SOS1: variants seen among roughly 807,000 people sequenced by gnomAD.
SOS1 encodes the protein SOS Ras/Rac guanine nucleotide exchange factor 1, also known as son of sevenless homolog 1.
A neutral mutation model predicts 157.6 loss-of-function variants in SOS1; 25 were observed. The observed-to-expected ratio is 0.16, with a 90% confidence interval of 0.12 to 0.22. The LOEUF is 0.22. Among genes scored for constraint, SOS1 ranks in the 10% least tolerant of loss-of-function variants. SOS1 has a pLI of 1.00. For synonymous variants in SOS1, 528 were observed against 534.0 expected (o/e 0.99, Z 0.16); for missense variants, 1,237 against 1,599.1 (o/e 0.77, Z 3.86).
At chr2:38,986,407 A>G in intron 22 of SOS1, 92 bp from the exon 23 acceptor site, 1 of 1,168,152 alleles carries the variant, frequency 8.6e-7, no homozygotes, top group Non-Finnish European at 1.2e-6. Flanking sequence ...CAAACATGCT[A>G]TTGGCAGGAT....
At chr2:39,031,006 G>A (rs1048328557) in intron 8 of SOS1, among the ~76,000 whole-genome samples, 1 of 152,054 alleles carries the variant, frequency 6.6e-6, no homozygotes, top group African/African-American at 2.4e-5. Context: ...CCAGAAGCTA[G>A]GCAGAGGCAG....
At chr2:38,989,125 A>G in intron 21 of SOS1, 145 bp downstream of exon 21, 1 of 635,038 alleles carries the variant, frequency 1.6e-6, no homozygotes, top group Non-Finnish European at 2.9e-6. Flanking sequence ...TAAAGATAGC[A>G]CAAGTGAAGG....
intron 4 of SOS1, among the ~76,000 whole-genome samples, chr2:39,055,761 A>C (rs1398251245): frequency 6.6e-6 from 1 of 152,248 alleles, no homozygotes; most frequent in African/African-American, 2.4e-5. Context: ...GTTTTCATAA[A>C]GTGAACATCC....
At chr2:38,999,808 T>A (rs1184954712) in intron 17 of SOS1, among the ~76,000 whole-genome samples, 3 of 152,212 alleles carry the variant, frequency 2.0e-5, no homozygotes, top group African/African-American at 4.8e-5. Context: ...TATTAGCACT[T>A]GGACTGGGTC....
Position 39,023,218 on chromosome 2 carries a change from C to G in SOS1, c.1210G>C (p.Ala404Pro). 6.2e-7 allele frequency: 1 copy of G among 1,611,638 alleles called. No individual in the cohort carries two copies. Among genetic ancestry groups the G allele is most frequent in the Non-Finnish European group, 8.5e-7 (1 of 1,178,262 alleles). ...ATTTGCTGACTATAAAACCGACATG[C>G]AGATTCACTGGAATAAAGAAAAAGA... The part of the protein sequence containing the change: ...SLAKRRLSES[A>P]CRFYSQQMKG... Residue 404 changes from alanine to proline, a missense_variant, in exon 10 of 23, where the codon GCA becomes CCA. By Grantham distance (27) the Ala-to-Pro change is conservative. Around this residue, in one of 15 missense-constraint regions of SOS1, gnomAD observed 101 missense variants for 171.5 expected, o/e 0.59. Coordinates refer to ENST00000402219, the MANE Select transcript of SOS1 (RefSeq NM_005633.4).
chr2:39,009,903 A>G (rs531770703), intron 15 of SOS1, among the ~76,000 whole-genome samples: 2 of 152,358 alleles, frequency 1.3e-5, no homozygotes, highest in South Asian at 4.1e-4. Context: ...TAATGAAAAA[A>G]ATTAATGCTA....
At position 39,023,012 on chromosome 2, in the gene SOS1, T is replaced by C; in HGVS notation, c.1416A>G (p.Lys472=). ...FLFDGLMICC[K]SNHGQPRLPG... Reference sequence around the variant, plus strand: ...GAAGTCTTGGCTGCCCATGATTTGATTTACAGCAAATCATTAAGCCATCAA... The same window carrying C: ...GAAGTCTTGGCTGCCCATGATTTGACTTACAGCAAATCATTAAGCCATCAA... The change falls in exon 10 of 23, where the codon AAA becomes AAG. Residue 472 remains lysine (K), a synonymous_variant. Coordinates refer to ENST00000402219, the MANE Select transcript of SOS1 (RefSeq NM_005633.4). 2 of 1,613,838 alleles carry C rather than the reference T, an allele frequency of 1.2e-6. No individual in the cohort carries two copies. The highest frequency in any genetic ancestry group is 8.5e-7 in the Non-Finnish European group (1 of 1,179,828).
At chr2:39,041,546 TCTA>T (rs780157709) in intron 6 of SOS1, among the ~76,000 whole-genome samples, 50 of 152,352 alleles carry the variant, frequency 3.3e-4, no homozygotes, top group Middle Eastern at 6.8e-3. Context: ...GTCCAAATTA[TCTA>T]CTTTTTCTTT....
intron 20 of SOS1, 149 bp from the exon 21 acceptor site, chr2:38,989,463 T>A: frequency 3.4e-6 from 2 of 593,242 alleles, no homozygotes; most frequent in South Asian, 4.5e-5. Flanking sequence ...CATTACTACT[T>A]ACTTTTGAGA....
intron 6 of SOS1, among the ~76,000 whole-genome samples, chr2:39,045,031 C>T (rs535833340): frequency 2.9e-4 from 44 of 152,130 alleles, no homozygotes; most frequent in African/African-American, 9.9e-4. Flanking sequence ...ATATAATGTA[C>T]GTTATGTAAA....
In SOS1 at chr2:38,987,560, G is replaced by C. The variant is rs763815489; in HGVS notation, c.3423C>G (p.Thr1141=). The C allele has an allele frequency of 6.3e-6, 10 of 1,593,278 alleles. No individual in the cohort carries two copies. In the East Asian group the frequency reaches 2.2e-4, roughly 36 times the overall value. ...GGACAGGCACTTCATCAGTGCCTTT[G>C]GTTAAACTTATAGATGATACAGAAG... ...RSASVSSISL[T]KGTDEVPVPP... is the part of the protein sequence containing the mutation. The change falls in exon 22 of 23, where the codon ACC becomes ACG. Residue 1141 remains threonine, a synonymous_variant. Coordinates refer to ENST00000402219, the MANE Select transcript of SOS1 (RefSeq NM_005633.4).
At chr2:39,073,847 A>C (rs1671869789) in intron 1 of SOS1, among the ~76,000 whole-genome samples, 2 of 152,230 alleles carry the variant, frequency 1.3e-5, no homozygotes, top group African/African-American at 4.8e-5. Context: ...AAAAGCTTCT[A>C]AATTATGCTC....
intron 17 of SOS1, among the ~76,000 whole-genome samples, chr2:39,004,944 C>T (rs1256453592): frequency 1.3e-5 from 2 of 151,934 alleles, no homozygotes; most frequent in African/African-American, 4.8e-5. Context: ...AATTGTCATA[C>T]ACTTCTCATG....
At chr2:39,033,748 GC>G (rs1670245544) in intron 8 of SOS1, among the ~76,000 whole-genome samples, 1 of 152,090 alleles carries the variant, frequency 6.6e-6, no homozygotes, top group African/African-American at 2.4e-5. Context: ...TGTTGCCCAA[GC>G]TGGTCTTGAA....
chr2:39,046,003 C>T (rs181663322), intron 6 of SOS1, among the ~76,000 whole-genome samples: 21 of 152,264 alleles, frequency 1.4e-4, no homozygotes, highest in African/African-American at 4.8e-4. Context: ...TGAGCCATTG[C>T]GCCAGGCCTA....
intron 1 of SOS1, among the ~76,000 whole-genome samples, chr2:39,115,196 A>G (rs1673598507): frequency 1.3e-5 from 2 of 152,134 alleles, no homozygotes; most frequent in African/African-American, 4.8e-5. Flanking sequence ...GGATATGTAC[A>G]CACCCCTGAA....
chr2:39,100,134 A>C (rs1672910736), intron 1 of SOS1, among the ~76,000 whole-genome samples: 1 of 152,214 alleles, frequency 6.6e-6, no homozygotes, highest in Non-Finnish European at 1.5e-5. Context: ...ATCATCTCAC[A>C]CCTGTTAGAA....
intron 1 of SOS1, chr2:39,082,513 T>G (rs558829686): frequency 2.0e-5 from 3 of 152,286 alleles, no homozygotes; most frequent in African/African-American, 7.2e-5. Context: ...AGAGGTATCT[T>G]ACGGTAAATT....
intron 1 of SOS1, among the ~76,000 whole-genome samples, chr2:39,071,894 T>C (rs1381226730): frequency 6.6e-6 from 1 of 151,886 alleles, no homozygotes; most frequent in African/African-American, 2.4e-5. Context: ...CAAGTTTTTT[T>C]ATCTGCCTAT....
Sources: allele counts gnomAD v4.1 joint callset (sites outside exome capture counted in the v4.1 genomes callset), GRCh38; gene constraint gnomAD v4.1.1; regional missense constraint gnomAD v4.1.1; transcripts MANE v1.5; gene names NCBI Gene and HGNC (gene_info 2026-07-23, HGNC 2026-07-21).